The following ANKRD30A variants were observed in gnomAD, a reference collection of about 807,000 sequenced individuals.
ANKRD30A encodes the protein ankyrin repeat domain-containing protein 30A.
Under a neutral mutation model 166.3 loss-of-function variants are expected in ANKRD30A, and 170 were observed. The observed-to-expected ratio is 1.02, with a 90% CI of 0.90 to 1.16. The LOEUF is 1.16. Ranked by LOEUF, ANKRD30A falls within the 50% of genes most tolerant of loss-of-function variation. The pLI is 0.00. For synonymous variants in ANKRD30A, 564 were observed against 508.9 expected (o/e 1.11, Z -1.46); for missense variants, 1,630 against 1,518.0 (o/e 1.07, Z -1.23).
chr10:37,252,495 C>G, the ANKRD30A span, among the ~76,000 whole-genome samples: 37 of 152,310 alleles, frequency 2.4e-4, no homozygotes, highest in African/African-American at 8.7e-4. Flanking sequence ...TTAGCTTAAA[C>G]TATTTCCGAC....
intron 33 of ANKRD30A, among the ~76,000 whole-genome samples, chr10:37,218,731 A>T (rs895894303): frequency 6.7e-6 from 1 of 150,338 alleles, no homozygotes; most frequent in East Asian, 2.0e-4. Flanking sequence ...TTCAATTCCG[A>T]GGTTCTTAAA....
intron 30 of ANKRD30A, 43 bp from the exon 31 acceptor site, chr10:37,201,192 G>C (rs748150214): frequency 7.1e-7 from 1 of 1,404,314 alleles, no homozygotes; most frequent in Non-Finnish European, 9.6e-7. Flanking sequence ...TTCATTATTA[G>C]GATTTTTCCA....
At chr10:37,153,949 G>T (rs1838162704) in intron 13 of ANKRD30A, among the ~76,000 whole-genome samples, 2 of 152,144 alleles carry the variant, frequency 1.3e-5, no homozygotes, top group African/African-American at 4.8e-5. Context: ...ACTGAAGACT[G>T]AGAAAGACAG....
At chr10:37,265,189 A>G in the ANKRD30A span, among the ~76,000 whole-genome samples, 1 of 152,006 alleles carries the variant, frequency 6.6e-6, no homozygotes, top group Non-Finnish European at 1.5e-5. Context: ...TTTCTTTTAT[A>G]TTACCTTTTT....
In ANKRD30A at chr10:37,142,188, G is replaced by T. The variant is rs373496322; in HGVS notation, c.1291G>T (p.Val431Leu). The T allele has an allele frequency of 4.3e-6, 7 of 1,613,834 alleles. No individual in the cohort carries two copies. The African/African-American group carries it at 9.3e-5, about 22-fold the overall frequency. Residue 431 changes from valine (V) to leucine (L), a missense_variant, in exon 7 of 36, where the codon GTG becomes TTG. By Grantham distance (32) the Val-to-Leu change is conservative (BLOSUM62 1). Around this residue, in one of 4 missense-constraint regions of ANKRD30A, gnomAD observed 904 missense variants for 818.5 expected, o/e 1.10. Coordinates refer to ENST00000361713, the MANE Select transcript of ANKRD30A (RefSeq NM_052997.3). ...KKETPVKTGC[V>L]ARVTSNKTKV... ...AGAAACACCTGTAAAGACTGGATGC[G>T]TGGCAAGAGTAACATCTAATAAAAC...
In ANKRD30A at chr10:37,218,889, T is replaced by C. The variant is rs12769452; in HGVS notation, c.3268-91T>C. On this transcript the variant is annotated intron_variant, in intron 33 of 35. Transcript: ENST00000361713. ...CCTACTTATAAAAACCCTTTCATTG[T>C]ATAAATGTACAAGTTATTCTTTAGT... is the stretch of plus-strand genomic sequence containing the variant. The C allele has an allele frequency of 1.3e-5, 11 of 863,836 alleles. No homozygotes were observed. The African/African-American group carries it at 1.7e-4, about 14-fold the overall frequency. The allele number at this position is 863,836 out of a possible 1,614,324, so 53.5% of individuals were successfully genotyped here. A position where few individuals can be genotyped will look rare whatever the true frequency, so the allele number is the denominator to read the frequency against.
chr10:37,151,965 C>T, intron 11 of ANKRD30A, 95 bp from the exon 12 acceptor site: 2 of 1,142,814 alleles, frequency 1.8e-6, no homozygotes, highest in Non-Finnish European at 2.5e-6. Context: ...GAGGAAAAAC[C>T]ACAGATTCGT....
At position 37,129,767 on chromosome 10, in the gene ANKRD30A, G is replaced by A. The variant is rs201093190; in HGVS notation, c.222-126G>A. On this transcript the variant is annotated intron_variant, in intron 1 of 35. Transcript: ENST00000361713. ...AATGAATGTTGTACTTTCTTCAGGAGAATATTAAGTATTTGTTTTGAAGGC... is the reference window on the plus strand; with the variant it reads ...AATGAATGTTGTACTTTCTTCAGGAAAATATTAAGTATTTGTTTTGAAGGC... 6.1e-4 allele frequency: 263 copies of A among 431,946 alleles called. 2 individuals are homozygous for A. Among genetic ancestry groups the A allele is most frequent in the African/African-American group, 5.3e-3 (252 of 47,762 alleles). 26.8% of individuals were successfully genotyped at this position (431,946 alleles called of 1,614,324 possible).
intron 27 of ANKRD30A, among the ~76,000 whole-genome samples, chr10:37,194,983 C>T (rs1323688029): frequency 6.6e-6 from 1 of 152,028 alleles, no homozygotes; most frequent in African/African-American, 2.4e-5. Flanking sequence ...TAGTTGTTAA[C>T]CATGAAAATT....
chr10:37,232,654 T>TATATATATATATATATATA (rs71007625), downstream of ANKRD30A: 103 of 54,194 alleles, frequency 1.9e-3, 5 homozygotes, highest in Non-Finnish European at 2.9e-3. Flanking sequence ...AGCATTGGTT[T>TATATATATATATATATATA]TATATATATA....
chr10:37,218,712 GT>G (rs1057117872), intron 33 of ANKRD30A, among the ~76,000 whole-genome samples: 12 of 146,876 alleles, frequency 8.2e-5, no homozygotes, highest in Middle Eastern at 3.5e-3. Context: ...TTCAGGGAAA[GT>G]TTTTTTTTTC....
chr10:37,257,040 G>A, the ANKRD30A span, among the ~76,000 whole-genome samples: 1 of 151,640 alleles, frequency 6.6e-6, no homozygotes, highest in Non-Finnish European at 1.5e-5. Flanking sequence ...TTTTTTGGTT[G>A]GTAGGCTATT....
the ANKRD30A span, among the ~76,000 whole-genome samples, chr10:37,238,508 C>T: frequency 2.6e-5 from 4 of 151,990 alleles, no homozygotes; most frequent in Non-Finnish European, 1.5e-5. Flanking sequence ...TAAAAAATGG[C>T]GTCACTTAAA....
chr10:37,184,101 T>G (rs1452355017), intron 24 of ANKRD30A, among the ~76,000 whole-genome samples: 6 of 150,908 alleles, frequency 4.0e-5, no homozygotes, highest in African/African-American at 1.5e-4. Flanking sequence ...AGGCCTTTCA[T>G]GGGAAAATAG....
intron 31 of ANKRD30A, among the ~76,000 whole-genome samples, chr10:37,205,621 C>T (rs551269603): frequency 1.3e-4 from 19 of 151,876 alleles, no homozygotes; most frequent in East Asian, 1.9e-4. Flanking sequence ...AATTTCCACC[C>T]GTACTTACAC....
chr10:37,134,054 G>C lies in ANKRD30A; in HGVS notation c.755+1G>C. Reference sequence around the variant, plus strand: ...ATGCTGTTACTTGTGGATTTCATCAGTAAGTGTTTACGTTTAGAGGCTAGG... The same window carrying C: ...ATGCTGTTACTTGTGGATTTCATCACTAAGTGTTTACGTTTAGAGGCTAGG... On this transcript the variant is annotated splice_donor_variant, in intron 5 of 35. Transcript: ENST00000361713. LOFTEE classifies it high-confidence loss of function. 6.2e-7 allele frequency: 1 copy of C among 1,613,740 alleles called. No homozygotes were observed. The highest frequency in any genetic ancestry group is 8.5e-7 in the Non-Finnish European group (1 of 1,179,790).
At chr10:37,222,201 C>A (rs1842930345) in intron 34 of ANKRD30A, among the ~76,000 whole-genome samples, 1 of 151,204 alleles carries the variant, frequency 6.6e-6, no homozygotes, top group Admixed American at 6.6e-5. Context: ...ATTTTCAGAA[C>A]ATTTTCATCA....
intron 32 of ANKRD30A, among the ~76,000 whole-genome samples, chr10:37,217,136 T>G (rs1421219031): frequency 6.6e-6 from 1 of 150,930 alleles, no homozygotes; most frequent in Admixed American, 6.6e-5. Flanking sequence ...CAAGGTACGT[T>G]TAAAGCATTA....
intron 15 of ANKRD30A, among the ~76,000 whole-genome samples, chr10:37,161,034 A>G (rs1303108218): frequency 2.6e-5 from 4 of 152,204 alleles, no homozygotes; most frequent in African/African-American, 9.7e-5. Flanking sequence ...CTGGCAGATC[A>G]CGAGGTTAGG....
Sources: allele counts gnomAD v4.1 joint callset (sites outside exome capture counted in the v4.1 genomes callset), GRCh38; gene constraint gnomAD v4.1.1; regional missense constraint gnomAD v4.1.1; transcripts MANE v1.5; gene names NCBI Gene and HGNC (gene_info 2026-07-23, HGNC 2026-07-21).